The following ARB2A variants were observed in gnomAD, a reference collection of about 807,000 sequenced individuals.
The protein encoded by ARB2A is ARB2 cotranscriptional regulator A.
At chr5:93,643,788 C>A in the ARB2A span, among the ~76,000 whole-genome samples, 1 of 152,212 alleles carries the variant, frequency 6.6e-6, no homozygotes, top group African/African-American at 2.4e-5. Flanking sequence ...GCCACCACAC[C>A]TAGCCTAAGA....
At chr5:93,641,744 T>C in the ARB2A span, among the ~76,000 whole-genome samples, 9 of 152,210 alleles carry the variant, frequency 5.9e-5, no homozygotes, top group Non-Finnish European at 1.2e-4. Context: ...AGTGACTTAA[T>C]AGTAAACATT....
chr5:94,110,343 A>G, the ARB2A span, among the ~76,000 whole-genome samples: 1 of 152,248 alleles, frequency 6.6e-6, no homozygotes, highest in Non-Finnish European at 1.5e-5. Context: ...GAAGGTTGCC[A>G]GTAAATACTT....
the ARB2A span, among the ~76,000 whole-genome samples, chr5:93,907,492 T>C: frequency 5.9e-5 from 9 of 151,510 alleles, no homozygotes; most frequent in South Asian, 2.1e-4. Context: ...GTATTTTTTT[T>C]CTGAGGTCAT....
the ARB2A span, among the ~76,000 whole-genome samples, chr5:93,830,311 GTATATATATATATA>G: frequency 1.0e-3 from 84 of 82,272 alleles, 2 homozygotes; most frequent in Admixed American, 3.4e-3. Context: ...GTGTGTGTGT[GTATATATATATATA>G]TATATATATA....
chr5:93,976,562 G>C, the ARB2A span, among the ~76,000 whole-genome samples: 6 of 152,300 alleles, frequency 3.9e-5, no homozygotes, highest in East Asian at 1.2e-3. Flanking sequence ...TCTCATGATA[G>C]TGAGTGAATT....
the ARB2A span, among the ~76,000 whole-genome samples, chr5:93,660,627 C>G: frequency 2.0e-5 from 3 of 152,006 alleles, no homozygotes; most frequent in Admixed American, 6.6e-5. Context: ...GTGATGGACA[C>G]AGAAGTTTGG....
At chr5:93,847,664 C>T in the ARB2A span, among the ~76,000 whole-genome samples, 1 of 152,036 alleles carries the variant, frequency 6.6e-6, no homozygotes, top group Admixed American at 6.6e-5. Context: ...TGCTACTTAC[C>T]AGCTTTGGAT....
chr5:93,763,369 A>C, the ARB2A span, among the ~76,000 whole-genome samples: 1 of 152,210 alleles, frequency 6.6e-6, no homozygotes, highest in Non-Finnish European at 1.5e-5. Flanking sequence ...AAGCAAATGG[A>C]AAACAAAAAA....
the ARB2A span, among the ~76,000 whole-genome samples, chr5:93,653,476 C>T: frequency 4.3e-5 from 5 of 116,858 alleles, no homozygotes; most frequent in African/African-American, 1.6e-4. Flanking sequence ...AGCGCCACTG[C>T]AGTCCAGTCT....
the ARB2A span, among the ~76,000 whole-genome samples, chr5:93,702,085 T>A: frequency 6.6e-6 from 1 of 152,204 alleles, no homozygotes; most frequent in Non-Finnish European, 1.5e-5. Context: ...ATTCTCAGTT[T>A]AAATTCCCCA....
chr5:93,742,701 G>A, the ARB2A span, among the ~76,000 whole-genome samples: 3 of 152,158 alleles, frequency 2.0e-5, no homozygotes, highest in African/African-American at 7.2e-5. Context: ...TGATTTTTCA[G>A]CTGTCAAATC....
At chr5:93,758,456 C>A in the ARB2A span, among the ~76,000 whole-genome samples, 182 of 152,200 alleles carry the variant, frequency 1.2e-3, no homozygotes, top group African/African-American at 4.1e-3. Context: ...TTCTATTCAA[C>A]AGTGCATGGA....
At chr5:94,081,524 C>T in the ARB2A span, among the ~76,000 whole-genome samples, 13 of 151,880 alleles carry the variant, frequency 8.6e-5, no homozygotes, top group Admixed American at 7.2e-4. Flanking sequence ...AATGAAGTAC[C>T]GATACTTGCT....
At chr5:93,877,695 C>T in the ARB2A span, among the ~76,000 whole-genome samples, 1 of 152,014 alleles carries the variant, frequency 6.6e-6, no homozygotes, top group Non-Finnish European at 1.5e-5. Flanking sequence ...TGTAAATTAG[C>T]TAATCATTAT....
chr5:93,662,134 A>G, the ARB2A span, among the ~76,000 whole-genome samples: 1 of 152,362 alleles, frequency 6.6e-6, no homozygotes, highest in East Asian at 1.9e-4. Flanking sequence ...CGTTACAGCA[A>G]CATTATGAAG....
chr5:93,907,385 G>C, the ARB2A span, among the ~76,000 whole-genome samples: 1 of 151,452 alleles, frequency 6.6e-6, no homozygotes, highest in African/African-American at 2.4e-5. Context: ...TTATGCTCAA[G>C]GATTCTTATT....
chr5:93,625,587 T>G, the ARB2A span, among the ~76,000 whole-genome samples: 2 of 152,160 alleles, frequency 1.3e-5, no homozygotes, highest in African/African-American at 4.8e-5. Flanking sequence ...TGAATATCCT[T>G]GACTTATCAC....
the ARB2A span, among the ~76,000 whole-genome samples, chr5:93,790,382 C>A: frequency 2.0e-5 from 3 of 152,138 alleles, no homozygotes; most frequent in Non-Finnish European, 4.4e-5. Context: ...TATAAATGCA[C>A]TTAATGACAA....
At chr5:94,042,919 A>G in the ARB2A span, among the ~76,000 whole-genome samples, 1 of 152,206 alleles carries the variant, frequency 6.6e-6, no homozygotes, top group Admixed American at 6.5e-5. Flanking sequence ...ATATATCATC[A>G]GTAATAATTA....
Sources: gnomAD v4.1 joint callset for allele counts (sites outside exome capture counted in the v4.1 genomes callset) on GRCh38, gnomAD v4.1.1 for gene constraint, MANE v1.5 for transcripts, NCBI Gene and HGNC (gene_info 2026-07-23, HGNC 2026-07-21) for gene names.